CEP70: variants seen among roughly 807,000 people sequenced by gnomAD.
CEP70 encodes centrosomal protein 70.
A neutral mutation model predicts 90.9 loss-of-function variants in CEP70; 70 were observed. The observed-to-expected ratio is 0.77, with a 90% CI of 0.64 to 0.94. The LOEUF is 0.94. CEP70 is among the 40% of genes least tolerant of loss of function. The probability of loss-of-function intolerance (pLI) is 0.00; values close to 1 mark genes in which losing one functional copy is unlikely to be tolerated. For synonymous variants in CEP70, 220 were observed against 228.3 expected (o/e 0.96, Z 0.33); for missense variants, 648 against 669.0 (o/e 0.97, Z 0.35).
chr3:138,531,956 A>G (rs1160494346), intron 8 of CEP70, among the ~76,000 whole-genome samples: 1 of 152,236 alleles, frequency 6.6e-6, no homozygotes, highest in Non-Finnish European at 1.5e-5. Context: ...TAATAAAAAG[A>G]TTAGCTACTG....
intron 6 of CEP70, among the ~76,000 whole-genome samples, chr3:138,547,630 T>C (rs987813278): frequency 1.3e-5 from 2 of 152,332 alleles, no homozygotes; most frequent in Admixed American, 1.3e-4. Context: ...CATATCCAAA[T>C]TGCCAGCATC....
intron 6 of CEP70, among the ~76,000 whole-genome samples, chr3:138,538,083 G>A (rs79001431): frequency 0.016 from 2,421 of 152,260 alleles, 31 homozygotes; most frequent in Non-Finnish European, 0.027. Context: ...GAAAAAGTGA[G>A]ATCAAGACCA....
At position 138,529,418 on chromosome 3, in the gene CEP70, T is replaced by C. The variant is rs773343196; in HGVS notation, c.737A>G (p.Tyr246Cys). 23 of 1,612,380 alleles carry C rather than the reference T, an allele frequency of 1.4e-5. No individual in the cohort carries two copies. The Middle Eastern group carries it at 9.9e-4, about 69-fold the overall frequency. ...AGTTGGTGAGGCATCCAGATTTCTG[T>C]AGTCGTTTTCTTCTTCTGACTGACT... ...DESQSEEEND[Y>C]RNLDASPTYK... Residue 246 changes from tyrosine (Y) to cysteine (C), a missense_variant, in exon 9 of 18, where the codon TAC becomes TGC. Transcript: ENST00000264982.
chr3:138,500,924 A>C, intron 13 of CEP70, 43 bp from the exon 14 acceptor site: 2 of 975,912 alleles, frequency 2.0e-6, no homozygotes, highest in Non-Finnish European at 2.8e-6. Context: ...GATTTAAATA[A>C]TTTCTATAGT....
intron 6 of CEP70, among the ~76,000 whole-genome samples, chr3:138,544,849 C>A (rs937722045): frequency 6.6e-6 from 1 of 151,666 alleles, no homozygotes; most frequent in South Asian, 2.1e-4. Flanking sequence ...AATGTGGAAA[C>A]CAAAAAAGCA....
intron 13 of CEP70, 116 bp from the exon 14 acceptor site, chr3:138,500,997 A>G: frequency 5.5e-6 from 2 of 362,932 alleles, no homozygotes; most frequent in Non-Finnish European, 9.1e-6. Flanking sequence ...TATAAAATTA[A>G]TAAAACATAA....
chr3:138,592,233 C>G (rs1184085397), intron 1 of CEP70, among the ~76,000 whole-genome samples: 1 of 152,188 alleles, frequency 6.6e-6, no homozygotes, highest in Non-Finnish European at 1.5e-5. Context: ...TGACTTCTGG[C>G]TCCACAGGTA....
At chr3:138,542,155 T>C (rs537355803) in intron 6 of CEP70, among the ~76,000 whole-genome samples, 1 of 152,264 alleles carries the variant, frequency 6.6e-6, no homozygotes, top group East Asian at 1.9e-4. Context: ...GGTCTGGCTA[T>C]GTGCACAGCC....
intron 6 of CEP70, among the ~76,000 whole-genome samples, chr3:138,560,742 C>G (rs539785941): frequency 1.4e-3 from 219 of 152,222 alleles, no homozygotes; most frequent in Non-Finnish European, 2.3e-3. Context: ...ACAGTATAAA[C>G]AAAGCCGCCC....
chr3:138,530,521 CA>C (rs2037717583), intron 8 of CEP70: 6 of 929,896 alleles, frequency 6.5e-6, no homozygotes, highest in Non-Finnish European at 7.7e-6. Context: ...ACAACAACAA[CA>C]AAAAACTTCG....
At chr3:138,555,419 A>C (rs1188006946) in intron 6 of CEP70, among the ~76,000 whole-genome samples, 2 of 152,182 alleles carry the variant, frequency 1.3e-5, no homozygotes, top group Non-Finnish European at 2.9e-5. Context: ...AAAGATAAAT[A>C]GGTGGGACTT....
intron 13 of CEP70, among the ~76,000 whole-genome samples, chr3:138,503,370 A>G (rs1193550601): frequency 6.6e-6 from 1 of 152,186 alleles, no homozygotes; most frequent in Non-Finnish European, 1.5e-5. Context: ...TAATGGCTGA[A>G]TAATATTGCA....
intron 10 of CEP70, among the ~76,000 whole-genome samples, chr3:138,528,541 T>C (rs111328002): frequency 4.4e-4 from 67 of 152,266 alleles, no homozygotes; most frequent in African/African-American, 1.6e-3. Flanking sequence ...TATTCCAAAT[T>C]CCAGTATGTT....
intron 6 of CEP70, among the ~76,000 whole-genome samples, chr3:138,560,707 T>C (rs778167100): frequency 1.3e-5 from 2 of 152,076 alleles, no homozygotes; most frequent in Non-Finnish European, 1.5e-5. Flanking sequence ...CCACCACTGC[T>C]GAGGCTTGAG....
intron 1 of CEP70, among the ~76,000 whole-genome samples, chr3:138,592,265 TA>T (rs1319821845): frequency 5.3e-5 from 8 of 152,344 alleles, no homozygotes; most frequent in Admixed American, 2.6e-4. Flanking sequence ...TTTGCAAGGA[TA>T]CTAAAATGAA....
intron 2 of CEP70, among the ~76,000 whole-genome samples, chr3:138,586,442 C>T (rs2042109255): frequency 6.6e-6 from 1 of 152,096 alleles, no homozygotes; most frequent in Non-Finnish European, 1.5e-5. Context: ...CACTGACAGA[C>T]AAATGGATAA....
intron 2 of CEP70, among the ~76,000 whole-genome samples, chr3:138,586,154 T>C (rs1268280148): frequency 6.6e-6 from 1 of 152,096 alleles, no homozygotes; most frequent in South Asian, 2.1e-4. Flanking sequence ...CCAGGATGTA[T>C]AAGGATCTGA....
At chr3:138,539,153 C>T (rs558259121) in intron 6 of CEP70, among the ~76,000 whole-genome samples, 1 of 152,228 alleles carries the variant, frequency 6.6e-6, no homozygotes, top group East Asian at 1.9e-4. Context: ...GGATTACCAT[C>T]ACACCTGGAT....
intron 11 of CEP70, among the ~76,000 whole-genome samples, chr3:138,513,501 A>G (rs1021838589): frequency 6.6e-6 from 1 of 151,778 alleles, no homozygotes; most frequent in Admixed American, 6.5e-5. Flanking sequence ...TCTTTTGTGC[A>G]GGGCTCCTAG....
Sources: allele counts gnomAD v4.1 joint callset (sites outside exome capture counted in the v4.1 genomes callset), GRCh38; gene constraint gnomAD v4.1.1; transcripts MANE v1.5; gene names NCBI Gene and HGNC (gene_info 2026-07-23, HGNC 2026-07-21).